SHANK2: variants seen among roughly 807,000 people sequenced by gnomAD.
The protein encoded by SHANK2 is SH3 and multiple ankyrin repeat domains 2, also known as SH3 and multiple ankyrin repeat domains protein 2.
SHANK2 carries 43 observed loss-of-function variants against 133.7 expected under a neutral mutation model. That is an observed-to-expected ratio of 0.32 (90% CI 0.25 to 0.41). The LOEUF is 0.41. Among genes scored for constraint, SHANK2 ranks in the 10% least tolerant of loss-of-function variants. SHANK2 has a pLI of 1.00. For missense variants in SHANK2, 1,994 were observed against 2,235.8 expected (o/e 0.89, Z 2.18); for synonymous variants, 1,017 against 952.8 (o/e 1.07, Z -1.24).
chr11:70,551,012 C>A (rs1307822317), intron 17 of SHANK2, among the ~76,000 whole-genome samples: 5 of 152,218 alleles, frequency 3.3e-5, no homozygotes, highest in Non-Finnish European at 7.3e-5. Context: ...GAAGGCGATG[C>A]CCCTGAGGGC....
At chr11:70,747,615 G>C (rs1946667117) in intron 14 of SHANK2, among the ~76,000 whole-genome samples, 2 of 152,062 alleles carry the variant, frequency 1.3e-5, no homozygotes, top group Non-Finnish European at 2.9e-5. Context: ...GGGTGGGGCT[G>C]ACCTGGCCCT....
chr11:70,586,816 T>G (rs1256964843), intron 17 of SHANK2, among the ~76,000 whole-genome samples: 1 of 152,158 alleles, frequency 6.6e-6, no homozygotes, highest in African/African-American at 2.4e-5. Context: ...AGGACACCAG[T>G]ACCTCACCCC....
intron 12 of SHANK2, among the ~76,000 whole-genome samples, chr11:70,817,490 G>A (rs565788332): frequency 9.2e-5 from 14 of 152,328 alleles, no homozygotes; most frequent in African/African-American, 3.1e-4. Context: ...CACAGTTAGG[G>A]GGACTGGCTG....
At chr11:70,595,573 C>T (rs560830300) in intron 17 of SHANK2, among the ~76,000 whole-genome samples, 1 of 152,154 alleles carries the variant, frequency 6.6e-6, no homozygotes, top group African/African-American at 2.4e-5. Flanking sequence ...GCCCCTGTCA[C>T]AGGAGAGGTG....
intron 14 of SHANK2, among the ~76,000 whole-genome samples, chr11:70,793,479 T>A (rs1269349587): frequency 1.3e-5 from 2 of 152,072 alleles, no homozygotes; most frequent in Non-Finnish European, 2.9e-5. Flanking sequence ...ACAGAATATA[T>A]AAAGAACTCC....
At chr11:70,682,442 C>A (rs2134392745) in intron 15 of SHANK2, among the ~76,000 whole-genome samples, 1 of 152,318 alleles carries the variant, frequency 6.6e-6, no homozygotes, top group East Asian at 1.9e-4. Flanking sequence ...AGTTTGAGAC[C>A]TGCCTGGCCA....
At chr11:70,614,368 T>C (rs1180812822) in intron 17 of SHANK2, among the ~76,000 whole-genome samples, 4 of 151,142 alleles carry the variant, frequency 2.6e-5, no homozygotes, top group African/African-American at 9.7e-5. Flanking sequence ...TGGAGTGCAG[T>C]GGCGTGATCT....
At chr11:70,552,566 C>T (rs538571768) in intron 17 of SHANK2, among the ~76,000 whole-genome samples, 19 of 152,332 alleles carry the variant, frequency 1.2e-4, no homozygotes, top group African/African-American at 3.8e-4. Context: ...TGAAGCGATT[C>T]GTCACTTTCT....
Position 71,135,785 on chromosome 11 carries a change from G to A in SHANK2, c.207+11335C>T, listed in dbSNP as rs577722614. ...AGGACCTGATTTTTATCCTCAGACCGGGAAGAAGTCACAGGAGGGCTGGGC... is the reference window on the plus strand; with the variant it reads ...AGGACCTGATTTTTATCCTCAGACCAGGAAGAAGTCACAGGAGGGCTGGGC... On this transcript the variant is annotated intron_variant, in intron 3 of 25. Coordinates refer to ENST00000601538, the MANE Select transcript of SHANK2 (RefSeq NM_012309.5). Among the ~76,000 whole-genome samples, 677 of 152,218 alleles carry A rather than the reference G, an allele frequency of 4.4e-3. 4 individuals are homozygous for A. The highest frequency in any genetic ancestry group is 5.8e-3 in the Non-Finnish European group (397 of 68,014).
intron 14 of SHANK2, among the ~76,000 whole-genome samples, chr11:70,751,720 C>T (rs1245211277): frequency 6.6e-6 from 1 of 151,894 alleles, no homozygotes; most frequent in Admixed American, 6.6e-5. Context: ...GTGATAGCTA[C>T]ACCAAAAAAG....
At chr11:70,590,570 C>T (rs2060308606) in intron 17 of SHANK2, among the ~76,000 whole-genome samples, 1 of 152,254 alleles carries the variant, frequency 6.6e-6, no homozygotes, top group South Asian at 2.1e-4. Context: ...CCACCGCTCT[C>T]ATCAGTCAGC....
At chr11:71,117,551 C>T (rs1245144100) in intron 4 of SHANK2, among the ~76,000 whole-genome samples, 6 of 152,168 alleles carry the variant, frequency 3.9e-5, no homozygotes, top group Admixed American at 3.3e-4. Context: ...TCAGGACTCC[C>T]AGTCGCCCTG....
chr11:70,599,905 G>GAAAAAGAAAGAAAA (rs1466206835), intron 17 of SHANK2, among the ~76,000 whole-genome samples: 1 of 73,730 alleles, frequency 1.4e-5, no homozygotes, highest in Non-Finnish European at 2.5e-5. Context: ...AAGAAAGAAA[G>GAAAAAGAAAGAAAA]AGAAAGAAAG....
At chr11:70,817,783 G>A (rs981847336) in intron 12 of SHANK2, among the ~76,000 whole-genome samples, 2 of 152,180 alleles carry the variant, frequency 1.3e-5, no homozygotes, top group African/African-American at 2.4e-5. Flanking sequence ...CACTCAGGCC[G>A]GAGTGCAGTG....
intron 10 of SHANK2, among the ~76,000 whole-genome samples, chr11:70,945,300 AT>A (rs1325792907): frequency 2.4e-4 from 36 of 152,248 alleles, no homozygotes; most frequent in African/African-American, 7.9e-4. Context: ...CCTGTGCTTG[AT>A]TAAAAGCAAA....
chr11:70,682,915 C>T (rs184320913), intron 15 of SHANK2, among the ~76,000 whole-genome samples: 1 of 152,020 alleles, frequency 6.6e-6, no homozygotes, highest in Admixed American at 6.6e-5. Context: ...TCAGGTGTTA[C>T]CCTGAAGGTG....
At chr11:70,576,825 T>C (rs554780269) in intron 17 of SHANK2, among the ~76,000 whole-genome samples, 1 of 152,232 alleles carries the variant, frequency 6.6e-6, no homozygotes, top group South Asian at 2.1e-4. Flanking sequence ...CCCTCACTTT[T>C]CTCCCCTACT....
chr11:71,211,727 C>T (rs2135691673), intron 2 of SHANK2, among the ~76,000 whole-genome samples: 1 of 151,986 alleles, frequency 6.6e-6, no homozygotes, highest in South Asian at 2.1e-4. Context: ...TCTCCCCAAC[C>T]ACTAATTATT....
chr11:70,869,354 A>G (rs1949421701), intron 11 of SHANK2, among the ~76,000 whole-genome samples: 1 of 152,218 alleles, frequency 6.6e-6, no homozygotes, highest in Admixed American at 6.5e-5. Context: ...GAGGGAGGAC[A>G]ATGTATCGGT....
Sources: gnomAD v4.1 joint callset for allele counts (sites outside exome capture counted in the v4.1 genomes callset) on GRCh38, gnomAD v4.1.1 for gene constraint, MANE v1.5 for transcripts, NCBI Gene and HGNC (gene_info 2026-07-23, HGNC 2026-07-21) for gene names.